Variants in RAPGEF6 observed in about 807,000 individuals in gnomAD.
RAPGEF6 encodes Rap guanine nucleotide exchange factor 6, also known as PDZ domain containing guanine nucleotide exchange factor (GEF) 2.
RAPGEF6 carries 56 observed loss-of-function variants against 171.4 expected under a neutral mutation model. That is an observed-to-expected ratio of 0.33 (90% CI 0.26 to 0.41). RAPGEF6 has a LOEUF of 0.41. RAPGEF6 is among the 10% of genes least tolerant of loss of function. The probability of loss-of-function intolerance (pLI) is 1.00; values close to 1 mark genes in which losing one functional copy is unlikely to be tolerated. For synonymous variants in RAPGEF6, 692 were observed against 650.1 expected (o/e 1.06, Z -0.98); for missense variants, 1,674 against 1,921.4 (o/e 0.87, Z 2.41).
At position 131,611,111 on chromosome 5, in the gene RAPGEF6, C is replaced by A. The variant is rs149076404; in HGVS notation, c.70-6418G>T. On this transcript the variant is annotated intron_variant, in intron 1 of 27. Transcript: ENST00000509018. ...TGCTAAACCACTGTTACAGTGCAGTCTAAGGCTCTTCCACTCAAACTTCCT... is the reference window on the plus strand; with the variant it reads ...TGCTAAACCACTGTTACAGTGCAGTATAAGGCTCTTCCACTCAAACTTCCT... Among the ~76,000 whole-genome samples the A allele has an allele frequency of 9.2e-5, 14 of 152,310 alleles. No individual in the cohort carries two copies. The East Asian group carries it at 2.7e-3, about 29-fold the overall frequency.
At chr5:131,633,920 C>A (rs1483078479) in intron 1 of RAPGEF6, among the ~76,000 whole-genome samples, 2 of 152,098 alleles carry the variant, frequency 1.3e-5, no homozygotes, top group African/African-American at 4.8e-5. Context: ...AAATGTATAT[C>A]TCAAAAAGAG....
intron 6 of RAPGEF6, among the ~76,000 whole-genome samples, chr5:131,536,343 G>C (rs1382163618): frequency 6.6e-6 from 1 of 152,062 alleles, no homozygotes; most frequent in Non-Finnish European, 1.5e-5. Context: ...ATGCATCTTT[G>C]CAGTTATCAG....
chr5:131,504,535 C>T (rs1267253699), intron 11 of RAPGEF6, 91 bp downstream of exon 11: 2 of 1,262,002 alleles, frequency 1.6e-6, no homozygotes, highest in African/African-American at 3.1e-5. Context: ...AATGAATTAT[C>T]TTGCATTACT....
At chr5:131,572,739 T>C (rs1270999884) in intron 4 of RAPGEF6, among the ~76,000 whole-genome samples, 5 of 152,140 alleles carry the variant, frequency 3.3e-5, no homozygotes, top group African/African-American at 4.8e-5. Flanking sequence ...CCTTCCGCCA[T>C]CCATTCCTCC....
intron 5 of RAPGEF6, among the ~76,000 whole-genome samples, chr5:131,559,644 A>T (rs139299501): frequency 1.4e-5 from 2 of 146,324 alleles, no homozygotes; most frequent in African/African-American, 5.1e-5. Flanking sequence ...GAAACATAGC[A>T]AGGCTGTCTC....
intron 25 of RAPGEF6, among the ~76,000 whole-genome samples, chr5:131,432,965 T>G (rs1193688999): frequency 6.6e-6 from 1 of 152,128 alleles, no homozygotes; most frequent in Non-Finnish European, 1.5e-5. Flanking sequence ...AGAGTTGATT[T>G]TTTTTTTTAA....
chr5:131,453,131 T>C lies in RAPGEF6; in HGVS notation c.3123A>G (p.Arg1041=). 6.2e-7 allele frequency: 1 copy of C among 1,613,938 alleles called. No homozygotes were observed. The highest frequency in any genetic ancestry group is 1.1e-5 in the South Asian group (1 of 91,028). The change falls in exon 21 of 28, where the codon AGA becomes AGG. Residue 1041 remains arginine (R), a synonymous_variant. Coordinates refer to ENST00000509018, the MANE Select transcript of RAPGEF6 (RefSeq NM_016340.6). The part of the protein sequence containing the change: ...VDGLVNFEKL[R]MISKEIRQVV... ...CTTGGCGGATTTCCTTGGAAATCAT[T>C]CTTAACTTCTCAAAGTTTACTAAAC...
At chr5:131,479,903 C>T in intron 15 of RAPGEF6, 150 bp from the exon 16 acceptor site, 1 of 727,876 alleles carries the variant, frequency 1.4e-6, no homozygotes, top group Non-Finnish European at 2.2e-6. Flanking sequence ...ATTTACCCGT[C>T]CTTTAGCAGC....
intron 4 of RAPGEF6, among the ~76,000 whole-genome samples, chr5:131,564,744 A>G (rs903857739): frequency 6.6e-6 from 1 of 152,238 alleles, no homozygotes; most frequent in Non-Finnish European, 1.5e-5. Context: ...TATAATAGCT[A>G]TTGCTATGTG....
At chr5:131,532,050 AAATTT>A in intron 6 of RAPGEF6, 1 of 408,874 alleles carries the variant, frequency 2.4e-6, no homozygotes, top group Non-Finnish European at 4.7e-6. Context: ...GTTCAAAATA[AAATTT>A]AATAACTGGA....
intron 1 of RAPGEF6, among the ~76,000 whole-genome samples, chr5:131,616,207 T>C (rs1182961884): frequency 6.6e-6 from 1 of 152,184 alleles, no homozygotes; most frequent in Admixed American, 6.5e-5. Flanking sequence ...GAAGGTGGGA[T>C]AAGCTGAGGT....
At chr5:131,539,600 C>A (rs1759999994) in intron 6 of RAPGEF6, among the ~76,000 whole-genome samples, 1 of 152,092 alleles carries the variant, frequency 6.6e-6, no homozygotes, top group African/African-American at 2.4e-5. Flanking sequence ...TCCATAAAAG[C>A]GAAACACACT....
chr5:131,547,947 C>A, intron 6 of RAPGEF6, 100 bp downstream of exon 6: 2 of 1,319,082 alleles, frequency 1.5e-6, no homozygotes, highest in Admixed American at 2.2e-5. Flanking sequence ...TTTTCACATA[C>A]AGAGCCCAGC....
At chr5:131,553,581 G>A (rs1240077618) in intron 5 of RAPGEF6, among the ~76,000 whole-genome samples, 1 of 152,010 alleles carries the variant, frequency 6.6e-6, no homozygotes, top group African/African-American at 2.4e-5. Context: ...CACACAGATT[G>A]ATAATTTTAG....
In RAPGEF6 at chr5:131,600,528, AGAAG is replaced by A. The variant is rs749813909; in HGVS notation, c.197+2739_197+2742del. On this transcript the variant is annotated intron_variant, in intron 3 of 27. Coordinates refer to ENST00000509018, the MANE Select transcript of RAPGEF6 (RefSeq NM_016340.6). ...CATGGTGAGACGAAAAGAACTAACG[AGAAG>A]GAAGGAAGGAAGGAAGGAAGGGAGG... Among the ~76,000 whole-genome samples, 262 of 131,622 alleles carry A rather than the reference AGAAG, an allele frequency of 2.0e-3. 1 individual carries two copies. The highest frequency in any genetic ancestry group is 6.4e-3 in the East Asian group (24 of 3,732). 86.3% of individuals were successfully genotyped at this position (131,622 alleles called of 152,430 possible).
At chr5:131,519,780 T>C (rs1758354261) in intron 7 of RAPGEF6, among the ~76,000 whole-genome samples, 1 of 152,188 alleles carries the variant, frequency 6.6e-6, no homozygotes, top group South Asian at 2.1e-4. Flanking sequence ...CCAGGGTCAA[T>C]CTTCCTCAGT....
At chr5:131,532,826 T>C (rs894753523) in intron 6 of RAPGEF6, 3 of 152,646 alleles carry the variant, frequency 2.0e-5, no homozygotes, top group African/African-American at 7.2e-5. Flanking sequence ...CTTATTCTAA[T>C]GTATCAGTAA....
intron 18 of RAPGEF6, chr5:131,463,839 A>G (rs1561484257): frequency 8.1e-7 from 1 of 1,236,366 alleles, no homozygotes; most frequent in Non-Finnish European, 1.0e-6. Flanking sequence ...AGCTTCCTCT[A>G]TAAAAAAACA....
chr5:131,526,112 G>A (rs1260375816), intron 6 of RAPGEF6, among the ~76,000 whole-genome samples: 2 of 152,010 alleles, frequency 1.3e-5, no homozygotes, highest in Non-Finnish European at 2.9e-5. Context: ...AAAACATATG[G>A]GCCCTGCCTT....
Sources: gnomAD v4.1 joint callset for allele counts (sites outside exome capture counted in the v4.1 genomes callset) on GRCh38, gnomAD v4.1.1 for gene constraint, MANE v1.5 for transcripts, NCBI Gene and HGNC (gene_info 2026-07-23, HGNC 2026-07-21) for gene names.